Variants in NAV3 observed in about 807,000 individuals in gnomAD.
The protein encoded by NAV3 is neuron navigator 3.
Under a neutral mutation model 244.7 loss-of-function variants are expected in NAV3, and 87 were observed. The observed-to-expected ratio is 0.36, with a 90% CI of 0.30 to 0.42. The LOEUF is 0.42. NAV3 is among the 20% of genes least tolerant of loss of function. NAV3 has a pLI of 1.00. For synonymous variants in NAV3, 1,126 were observed against 1,042.2 expected (o/e 1.08, Z -1.55); for missense variants, 2,663 against 2,893.3 (o/e 0.92, Z 1.83).
At chr12:78,046,996 T>G (rs1056789042) in intron 9 of NAV3, among the ~76,000 whole-genome samples, 2 of 152,234 alleles carry the variant, frequency 1.3e-5, no homozygotes, top group Non-Finnish European at 2.9e-5. Flanking sequence ...TGTCCTTCTT[T>G]GTCTTTTTTT....
At position 78,142,723 on chromosome 12, in the gene NAV3, ATGTG is replaced by A. The variant is rs34539948; in HGVS notation, c.4683+2401_4683+2404del. Among the ~76,000 whole-genome samples the A allele has an allele frequency of 1.3e-4, 14 of 106,214 alleles. 2 individuals are homozygous for A. The East Asian group carries it at 2.8e-3, about 21-fold the overall frequency. 69.7% of individuals were successfully genotyped at this position (106,214 alleles called of 152,430 possible). On this transcript the variant is annotated intron_variant, in intron 20 of 39. Transcript: ENST00000397909. ...TGTATGTGTATATATATACATATATATGTGTGTGTGTGTGTATATATATATTTAT... is the reference window on the plus strand; with the variant it reads ...TGTATGTGTATATATATACATATATATGTGTGTGTGTATATATATATTTAT...
chr12:77,757,762 A>G (rs1869257274), intron 2 of NAV3, among the ~76,000 whole-genome samples: 2 of 152,114 alleles, frequency 1.3e-5, no homozygotes, highest in Non-Finnish European at 2.9e-5. Flanking sequence ...ATTTTCTTGG[A>G]TGTTTAGTTT....
intron 2 of NAV3, among the ~76,000 whole-genome samples, chr12:77,731,040 A>G (rs1299307386): frequency 6.6e-6 from 1 of 151,992 alleles, no homozygotes; most frequent in Non-Finnish European, 1.5e-5. Flanking sequence ...ATTTCAAAAA[A>G]CACACGGTTT....
At chr12:78,084,152 C>G (rs1477761015) in intron 12 of NAV3, among the ~76,000 whole-genome samples, 6 of 152,216 alleles carry the variant, frequency 3.9e-5, no homozygotes, top group Non-Finnish European at 5.9e-5. Context: ...CTTTCATTCT[C>G]TTAACAAATA....
At position 77,842,324 on chromosome 12, in the gene NAV3, G is replaced by A. The variant is rs891157231; in HGVS notation, c.243+10620G>A. Among the ~76,000 whole-genome samples the A allele has an allele frequency of 1.5e-4, 23 of 151,844 alleles. 1 individual carries two copies. Among genetic ancestry groups the A allele is most frequent in the East Asian group, 1.9e-4 (1 of 5,186 alleles). ...TTTCTAGCTATTTTTAATTTCTTCTGTTCCAACCTGCTCATCCAGTCTCAC... is the reference window on the plus strand; with the variant it reads ...TTTCTAGCTATTTTTAATTTCTTCTATTCCAACCTGCTCATCCAGTCTCAC... On this transcript the variant is annotated intron_variant, in intron 1 of 39. Coordinates refer to ENST00000397909, the MANE Select transcript of NAV3 (RefSeq NM_001024383.2).
chr12:78,052,512 G>C (rs977624898), intron 11 of NAV3, among the ~76,000 whole-genome samples: 1 of 152,148 alleles, frequency 6.6e-6, no homozygotes, highest in Non-Finnish European at 1.5e-5. Flanking sequence ...TCATGAAGTT[G>C]TTAGGATCAT....
intron 9 of NAV3, chr12:78,037,118 A>T (rs1880027445): frequency 2.8e-6 from 2 of 703,022 alleles, no homozygotes; most frequent in Non-Finnish European, 5.2e-6. Flanking sequence ...CCAGCAGCTC[A>T]GCCTGGAACC....
chr12:77,932,464 G>A (rs139519506), intron 1 of NAV3, among the ~76,000 whole-genome samples: 28 of 152,178 alleles, frequency 1.8e-4, no homozygotes, highest in African/African-American at 6.7e-4. Context: ...TGCTACATGT[G>A]TATCATTCTT....
intron 22 of NAV3, among the ~76,000 whole-genome samples, chr12:78,154,626 A>G (rs1265456606): frequency 6.6e-6 from 1 of 151,638 alleles, no homozygotes; most frequent in Admixed American, 6.6e-5. Context: ...CTATTTTATT[A>G]CCTTTATAGA....
intron 8 of NAV3, among the ~76,000 whole-genome samples, chr12:78,014,774 G>A (rs904925199): frequency 2.0e-5 from 3 of 152,106 alleles, no homozygotes; most frequent in African/African-American, 7.2e-5. Context: ...GAAATGTGAA[G>A]CCTTTAACCA....
At chr12:77,822,803 T>A (rs1025411254) in intron 2 of NAV3, among the ~76,000 whole-genome samples, 52 of 152,166 alleles carry the variant, frequency 3.4e-4, no homozygotes, top group African/African-American at 1.2e-3. Flanking sequence ...TTAAGGGAAG[T>A]TCTTACCTGG....
chr12:77,594,205 A>C (rs955413553), intron 2 of NAV3, among the ~76,000 whole-genome samples: 27 of 152,076 alleles, frequency 1.8e-4, no homozygotes, highest in African/African-American at 6.5e-4. Flanking sequence ...TATTCCTATT[A>C]CCCATGGGGG....
Position 77,576,373 on chromosome 12 carries a change from A to G in NAV3, c.72+4107A>G, listed in dbSNP as rs80235647. Among the ~76,000 whole-genome samples the G allele has an allele frequency of 4.4e-3, 672 of 152,126 alleles. 4 individuals carry two copies. Among genetic ancestry groups the G allele is most frequent in the African/African-American group, 0.015 (639 of 41,520 alleles). ...GAGTGCTTCATCAATGTCAATTCAC[A>G]TGGACCTGTTTTATTCTTTCTCTTT... On this transcript the variant is annotated intron_variant, in intron 2 of 8. Transcript: ENST00000550042.
In NAV3 at chr12:77,603,197, C is replaced by T. The variant is rs138795327; in HGVS notation, c.72+30931C>T. Reference sequence around the variant, plus strand: ...GTGCCCTTAGGTTTACCCATAAGCACGACAATTCATGCTCTTTGGTATGTG... The same window carrying T: ...GTGCCCTTAGGTTTACCCATAAGCATGACAATTCATGCTCTTTGGTATGTG... On this transcript the variant is annotated intron_variant, in intron 2 of 8. Transcript: ENST00000550042. Among the ~76,000 whole-genome samples the T allele has an allele frequency of 1.2e-3, 189 of 151,958 alleles. 1 individual carries two copies. Among genetic ancestry groups the T allele is most frequent in the Middle Eastern group, 0.01 (3 of 294 alleles).
rs750544765 is a variant in NAV3, at chr12:78,211,279, CTTTA to C, written c.*766_*769del. The C allele has an allele frequency of 5.2e-5, 8 of 152,610 alleles. No homozygotes were observed. The highest frequency in any genetic ancestry group is 1.9e-4 in the African/African-American group (8 of 41,516). The allele number at this position is 152,610 out of a possible 1,614,324, so 9.5% of individuals were successfully genotyped here. A position where few individuals can be genotyped will look rare whatever the true frequency, so the allele number is the denominator to read the frequency against. ...ACACTGATAAAAGGCTTTTTTAGGG[CTTTA>C]TTTGTTTGAGCCTTTTCAGTGAAAG... On this transcript the variant is annotated 3_prime_UTR_variant, in exon 40 of 40. Transcript: ENST00000397909.
intron 5 of NAV3, among the ~76,000 whole-genome samples, chr12:77,983,837 C>T (rs1156577344): frequency 6.6e-6 from 1 of 152,158 alleles, no homozygotes; most frequent in African/African-American, 2.4e-5. Flanking sequence ...TTGAGAAGTA[C>T]TTCGTCTTCT....
At chr12:78,112,080 A>C (rs1386518165) in intron 12 of NAV3, among the ~76,000 whole-genome samples, 2 of 152,192 alleles carry the variant, frequency 1.3e-5, no homozygotes, top group African/African-American at 2.4e-5. Flanking sequence ...TTAGCGAATC[A>C]TAGCACTAGG....
intron 1 of NAV3, among the ~76,000 whole-genome samples, chr12:77,873,966 G>A (rs1162564286): frequency 6.6e-6 from 1 of 151,400 alleles, no homozygotes; most frequent in Non-Finnish European, 1.5e-5. Flanking sequence ...AGGCTAGTGA[G>A]TTCTAGCTCC....
intron 24 of NAV3, among the ~76,000 whole-genome samples, chr12:78,169,514 C>T (rs1402235364): frequency 6.6e-6 from 1 of 151,624 alleles, no homozygotes. Context: ...TTTTCCTTTA[C>T]ATTGGTTCTA....
Sources: gnomAD v4.1 joint callset for allele counts (sites outside exome capture counted in the v4.1 genomes callset) on GRCh38, gnomAD v4.1.1 for gene constraint, MANE v1.5 for transcripts, NCBI Gene and HGNC (gene_info 2026-07-23, HGNC 2026-07-21) for gene names.